The following CD164 variants were observed in gnomAD, a reference collection of about 807,000 sequenced individuals.
CD164 encodes sialomucin core protein 24.
CD164 carries 11 observed loss-of-function variants against 24.6 expected under a neutral mutation model. That is an observed-to-expected ratio of 0.45 (90% confidence interval 0.28 to 0.74). The LOEUF (loss-of-function observed/expected upper bound fraction) is 0.74, where lower values mean the gene tolerates loss of function less well. Among genes scored for constraint, CD164 ranks in the 30% least tolerant of loss-of-function variants. CD164 has a pLI of 0.13. For synonymous variants in CD164, 126 were observed against 100.3 expected (o/e 1.26, Z -1.53); for missense variants, 295 against 243.7 (o/e 1.21, Z -1.40).
At chr6:109,379,093 C>T (rs1223133428) in intron 2 of CD164, among the ~76,000 whole-genome samples, 1 of 152,170 alleles carries the variant, frequency 6.6e-6, no homozygotes, top group African/African-American at 2.4e-5. Flanking sequence ...TTCTCTACAC[C>T]TAAGCATCCA....
At chr6:109,379,726 T>C in intron 1 of CD164, 64 bp from the exon 2 acceptor site, 1 of 1,222,576 alleles carries the variant, frequency 8.2e-7, no homozygotes, top group East Asian at 2.3e-5. Context: ...TTTGAATCTG[T>C]ATTACTTATC....
chr6:109,370,698 C>G (rs1771029607), intron 4 of CD164: 2 of 436,018 alleles, frequency 4.6e-6, no homozygotes, highest in East Asian at 9.2e-5. Flanking sequence ...ATCTATGTAT[C>G]TATCTTGTAT....
intron 1 of CD164, chr6:109,381,731 C>T (rs921345977): frequency 6.8e-6 from 4 of 590,240 alleles, no homozygotes; most frequent in African/African-American, 3.8e-5. Flanking sequence ...TTCTCTTTCC[C>T]GGACTTCCGG....
chr6:109,382,180 G>T (rs1366264918), intron 1 of CD164, 24 bp downstream of exon 1: 1 of 1,504,804 alleles, frequency 6.6e-7, no homozygotes, highest in Admixed American at 2.1e-5. Flanking sequence ...GGGAGGGCGG[G>T]AAGCCCACAG....
intron 3 of CD164, among the ~76,000 whole-genome samples, chr6:109,377,162 T>C (rs1771455711): frequency 6.6e-6 from 1 of 152,204 alleles, no homozygotes; most frequent in African/African-American, 2.4e-5. Context: ...ACCACCTAAC[T>C]ATATTATGCA....
In CD164 at chr6:109,366,799, A is replaced by G. The variant is rs896172196; in HGVS notation, c.*2052T>C. The G allele has an allele frequency of 1.3e-5, 2 of 152,608 alleles. No homozygotes were observed. The highest frequency in any genetic ancestry group is 1.3e-4 in the Admixed American group (2 of 15,280). The allele number at this position is 152,608 out of a possible 1,614,324, so 9.5% of individuals were successfully genotyped here. A position where few individuals can be genotyped will look rare whatever the true frequency, so the allele number is the denominator to read the frequency against. The stretch of plus-strand genomic sequence containing the variant: ...CTAAAGTTAGGGGAAAAAAGTAAAA[A>G]GGCTGTGAGTTCTGTTGCAAGAGCT... On this transcript the variant is annotated 3_prime_UTR_variant, in exon 6 of 6. Transcript: ENST00000310786.
At chr6:109,377,475 T>C (rs1361975315) in intron 3 of CD164, among the ~76,000 whole-genome samples, 4 of 151,888 alleles carry the variant, frequency 2.6e-5, no homozygotes, top group Admixed American at 6.6e-5. Context: ...ATACAGAAAA[T>C]GGATGGGTAT....
Position 109,382,345 on chromosome 6 carries a change from C to T in CD164, c.34G>A (p.Ala12Thr). 5 of 1,561,842 alleles carry T rather than the reference C, an allele frequency of 3.2e-6. No individual in the cohort carries two copies. The highest frequency in any genetic ancestry group is 4.8e-5 in the East Asian group (2 of 42,086). ...SRLSRSLLWA[A>T]TCLGVLCVLS... ...ACGCAGAGCACGCCCAGGCAGGTGG[C>T]GGCCCAAAGCAGTGAGCGGGAGAGC... is the stretch of plus-strand genomic sequence containing the variant. Residue 12 changes from alanine to threonine, a missense_variant, in exon 1 of 6, where the codon GCC (alanine) becomes ACC (threonine). Ala to Thr is a moderately conservative substitution (Grantham distance 58, BLOSUM62 0). Transcript: ENST00000310786.
chr6:109,379,105 C>T (rs1277700403), intron 2 of CD164, among the ~76,000 whole-genome samples: 1 of 152,176 alleles, frequency 6.6e-6, no homozygotes, highest in African/African-American at 2.4e-5. Context: ...AAGCATCCAA[C>T]AGTTTCATAA....
rs1408954852 is a variant in CD164, at chr6:109,367,203, AAAACATT to A, written c.*1641_*1647del. On this transcript the variant is annotated 3_prime_UTR_variant, in exon 6 of 6. Coordinates refer to ENST00000310786, the MANE Select transcript of CD164 (RefSeq NM_006016.6). ...AGATTTTAAACAATTAAGGCACTTG[AAAACATT>A]AAGTATATGTACAAATGTGCAAGTA... 2 of 152,658 alleles carry A rather than the reference AAAACATT, an allele frequency of 1.3e-5. No homozygotes were observed. The highest frequency in any genetic ancestry group is 2.9e-5 in the Non-Finnish European group (2 of 68,028). 9.5% of individuals were successfully genotyped at this position (152,658 alleles called of 1,614,324 possible).
In CD164 at chr6:109,378,001, C is replaced by T. The variant is rs1251496855; in HGVS notation, c.260-30G>A. ...TGGGGGGCAGGGGAAAAGAGACAAA[C>T]AGCATCAACCACCCATTTGTATTAT... On this transcript the variant is annotated intron_variant, in intron 2 of 5. Transcript: ENST00000310786. 34 of 1,527,638 alleles carry T rather than the reference C, an allele frequency of 2.2e-5. No individual in the cohort carries two copies. The East Asian group carries it at 7.6e-4, about 34-fold the overall frequency. The allele number at this position is 1,527,638 out of a possible 1,614,324, so 94.6% of individuals were successfully genotyped here. A position where few individuals can be genotyped will look rare whatever the true frequency, so the allele number is the denominator to read the frequency against.
chr6:109,376,125 GA>G lies in CD164; in HGVS notation c.332-14del. On this transcript the variant is annotated splice_polypyrimidine_tract_variant and intron_variant, in intron 3 of 5. Transcript: ENST00000310786. Reference sequence around the variant, plus strand: ...GTGGCCGTGGAAACTATTAAAAAAAGAAAAAAGAAAAACCATATACATCAAA... The same window carrying G: ...GTGGCCGTGGAAACTATTAAAAAAAGAAAAAGAAAAACCATATACATCAAA... 1 of 1,552,002 alleles carries G rather than the reference GA, an allele frequency of 6.4e-7. No homozygotes were observed. The highest frequency in any genetic ancestry group is 8.6e-7 in the Non-Finnish European group (1 of 1,158,498).
chr6:109,375,771 A>G (rs1771367398), intron 4 of CD164: 1 of 284,100 alleles, frequency 3.5e-6, no homozygotes, highest in Admixed American at 5.2e-5. Context: ...GATGAGAATT[A>G]TAATTTGCTT....
At chr6:109,379,950 C>A in intron 1 of CD164, 1 of 244,856 alleles carries the variant, frequency 4.1e-6, no homozygotes, top group Non-Finnish European at 7.9e-6. Flanking sequence ...ACACCCACAG[C>A]CACTAAGGAT....
intron 4 of CD164, among the ~76,000 whole-genome samples, chr6:109,375,689 T>G (rs907070587): frequency 6.6e-6 from 1 of 151,066 alleles, no homozygotes; most frequent in Middle Eastern, 3.2e-3. Flanking sequence ...TCATAAAAAG[T>G]GTATTTATTT....
chr6:109,374,908 C>T (rs973718875), intron 4 of CD164, among the ~76,000 whole-genome samples: 3 of 152,032 alleles, frequency 2.0e-5, no homozygotes, highest in Admixed American at 1.3e-4. Context: ...TTTCCCAATA[C>T]GCTGTGCTCA....
At chr6:109,376,162 A>G (rs1384342923) in intron 3 of CD164, 50 bp from the exon 4 acceptor site, 2 of 1,348,686 alleles carry the variant, frequency 1.5e-6, no homozygotes, top group Non-Finnish European at 2.0e-6. Context: ...GCTATTTAAA[A>G]TATCACAATC....
intron 1 of CD164, 23 bp from the exon 2 acceptor site, chr6:109,379,685 G>A: frequency 6.4e-7 from 1 of 1,557,084 alleles, no homozygotes; most frequent in Non-Finnish European, 8.8e-7. Flanking sequence ...GGGGAGAGAT[G>A]CATGAAATCA....
At chr6:109,381,454 A>G in intron 1 of CD164, 1 of 700,036 alleles carries the variant, frequency 1.4e-6, no homozygotes, top group South Asian at 1.5e-5. Flanking sequence ...ATGTCAGGAG[A>G]GTTTACTCAT....
Sources: allele counts gnomAD v4.1 joint callset (sites outside exome capture counted in the v4.1 genomes callset), GRCh38; gene constraint gnomAD v4.1.1; transcripts MANE v1.5; gene names NCBI Gene and HGNC (gene_info 2026-07-23, HGNC 2026-07-21).